The following PPP2R3A variants were observed in gnomAD, a reference collection of about 807,000 sequenced individuals.
PPP2R3A encodes protein phosphatase 2 regulatory subunit B''alpha.
A neutral mutation model predicts 106.9 loss-of-function variants in PPP2R3A; 80 were observed. The ratio of observed to expected loss-of-function variants is 0.75; its 90% CI spans 0.62 to 0.90. The LOEUF is 0.90. Ranked by LOEUF, PPP2R3A falls within the 40% of genes least tolerant of loss-of-function variation. PPP2R3A has a pLI of 0.00. For synonymous variants in PPP2R3A, 483 were observed against 468.3 expected, an observed-to-expected ratio of 1.03 and a Z score of -0.41; for missense variants, 1,386 against 1,350.4, an observed-to-expected ratio of 1.03 and a Z score of -0.41.
intron 7 of PPP2R3A, among the ~76,000 whole-genome samples, chr3:136,080,468 T>C (rs149603484): frequency 6.6e-5 from 10 of 152,318 alleles, no homozygotes; most frequent in African/African-American, 2.2e-4. Context: ...CTTTCACTTA[T>C]ATACTCACCA....
chr3:136,129,727 C>T (rs2108014826), intron 13 of PPP2R3A, among the ~76,000 whole-genome samples: 1 of 152,288 alleles, frequency 6.6e-6, no homozygotes, highest in East Asian at 1.9e-4. Flanking sequence ...ATGAGAATTT[C>T]CGGCCAGTAT....
intron 13 of PPP2R3A, among the ~76,000 whole-genome samples, chr3:136,118,413 A>G (rs1405374946): frequency 1.3e-5 from 2 of 152,220 alleles, no homozygotes; most frequent in African/African-American, 2.4e-5. Context: ...ATGGTATTCA[A>G]ATAGGAAAAG....
intron 6 of PPP2R3A, 32 bp downstream of exon 6, chr3:136,070,584 C>T (rs374543602): frequency 3.9e-6 from 6 of 1,539,770 alleles, no homozygotes; most frequent in Non-Finnish European, 5.3e-6. Context: ...CTTAATATAA[C>T]TCCATAAGTC....
chr3:136,009,531 C>T (rs370795920), intron 2 of PPP2R3A, among the ~76,000 whole-genome samples: 2 of 152,136 alleles, frequency 1.3e-5, no homozygotes, highest in Non-Finnish European at 2.9e-5. Context: ...TGAGTCTGTC[C>T]TCTGCCCTTC....
intron 5 of PPP2R3A, among the ~76,000 whole-genome samples, chr3:136,064,306 C>T (rs1406694758): frequency 2.0e-5 from 3 of 150,918 alleles, no homozygotes; most frequent in Non-Finnish European, 2.9e-5. Context: ...TTTGGAGATA[C>T]ACCTAATGCT....
intron 1 of PPP2R3A, among the ~76,000 whole-genome samples, chr3:135,976,423 G>A (rs1416750847): frequency 6.6e-6 from 1 of 152,182 alleles, no homozygotes; most frequent in Non-Finnish European, 1.5e-5. Flanking sequence ...TGGCAGAGTT[G>A]CTGCACTAAG....
At chr3:136,040,792 CTT>C in intron 3 of PPP2R3A, 65 bp from the exon 4 acceptor site, 1 of 1,362,810 alleles carries the variant, frequency 7.3e-7, no homozygotes, top group East Asian at 2.5e-5. Flanking sequence ...CCACAAAGAT[CTT>C]TTCTTTGGCC....
intron 1 of PPP2R3A, among the ~76,000 whole-genome samples, chr3:135,977,261 C>T (rs1320760180): frequency 1.3e-5 from 2 of 152,152 alleles, no homozygotes; most frequent in Non-Finnish European, 2.9e-5. Context: ...TCTTCTGGCA[C>T]ATTTTCTAAT....
chr3:135,991,622 C>T (rs542880742), intron 1 of PPP2R3A, among the ~76,000 whole-genome samples: 1 of 152,130 alleles, frequency 6.6e-6, no homozygotes, highest in South Asian at 2.1e-4. Context: ...AAAATGTAGC[C>T]CTTTCTTAAT....
chr3:136,002,749 TGAA>T lies in PPP2R3A; in HGVS notation c.1257_1259del (p.Glu420del). 4 of 1,612,480 alleles carry T rather than the reference TGAA, an allele frequency of 2.5e-6. No homozygotes were observed. The highest frequency in any genetic ancestry group is 3.4e-6 in the Non-Finnish European group (4 of 1,179,344). ...ACGACTTAATGGAAACTCTTTATAT[TGAA>T]GAAGAGTCAGATGGAAAGAAAGCAT... On this transcript the variant is annotated inframe_deletion, in exon 2 of 14. Coordinates refer to ENST00000264977, the MANE Select transcript of PPP2R3A (RefSeq NM_002718.5).
At chr3:136,053,346 G>A (rs1386378660) in intron 5 of PPP2R3A, among the ~76,000 whole-genome samples, 6 of 151,896 alleles carry the variant, frequency 4.0e-5, no homozygotes, top group Non-Finnish European at 5.9e-5. Flanking sequence ...AATAATAAAT[G>A]GATTTATATG....
chr3:136,008,514 A>G (rs966791508), intron 2 of PPP2R3A, among the ~76,000 whole-genome samples: 1 of 152,182 alleles, frequency 6.6e-6, no homozygotes, highest in African/African-American at 2.4e-5. Context: ...ATTCTTTCTG[A>G]TTAACATCAG....
intron 2 of PPP2R3A, chr3:136,023,076 A>G (rs1934519827): frequency 1.2e-6 from 2 of 1,613,036 alleles, no homozygotes; most frequent in Non-Finnish European, 1.7e-6. Flanking sequence ...AAAGATGATG[A>G]TCAAGGAAAC....
chr3:136,090,376 C>T (rs1004796819), intron 9 of PPP2R3A, among the ~76,000 whole-genome samples: 6 of 152,180 alleles, frequency 3.9e-5, no homozygotes, highest in Admixed American at 2.6e-4. Context: ...TTCTTTTCTT[C>T]ATATTTGCAA....
chr3:136,094,431 C>T (rs756375229), intron 10 of PPP2R3A, among the ~76,000 whole-genome samples: 13 of 152,208 alleles, frequency 8.5e-5, no homozygotes, highest in Non-Finnish European at 1.8e-4. Flanking sequence ...AAAGTATGTT[C>T]TGTAAACAAA....
At chr3:135,977,524 T>A (rs1937449469) in intron 1 of PPP2R3A, among the ~76,000 whole-genome samples, 1 of 152,164 alleles carries the variant, frequency 6.6e-6, no homozygotes, top group Non-Finnish European at 1.5e-5. Context: ...TTTAGTTGCA[T>A]TTGTGGTTTT....
intron 8 of PPP2R3A, among the ~76,000 whole-genome samples, chr3:136,083,225 G>T (rs941125762): frequency 6.6e-6 from 1 of 152,138 alleles, no homozygotes; most frequent in South Asian, 2.1e-4. Flanking sequence ...GTTTGGCTAT[G>T]TTCCCACCCA....
intron 13 of PPP2R3A, among the ~76,000 whole-genome samples, chr3:136,131,974 G>A (rs946041759): frequency 2.3e-5 from 3 of 130,834 alleles, no homozygotes; most frequent in Non-Finnish European, 3.1e-5. Context: ...AGAACATATG[G>A]ACACAGGGCG....
intron 12 of PPP2R3A, among the ~76,000 whole-genome samples, chr3:136,103,876 T>G (rs1256109080): frequency 6.6e-6 from 1 of 152,202 alleles, no homozygotes; most frequent in East Asian, 1.9e-4. Context: ...GGCTATCAGT[T>G]TTGAATGCAT....
Sources: allele counts gnomAD v4.1 joint callset (sites outside exome capture counted in the v4.1 genomes callset), GRCh38; gene constraint gnomAD v4.1.1; transcripts MANE v1.5; gene names NCBI Gene and HGNC (gene_info 2026-07-23, HGNC 2026-07-21).